Variants in CPA3 observed in about 807,000 individuals in gnomAD.
The protein encoded by CPA3 is mast cell carboxypeptidase A.
In CPA3, 52 loss-of-function variants were observed where a neutral mutation model predicts 55.8. The observed-to-expected ratio is 0.93, with a 90% CI of 0.75 to 1.17. The LOEUF (loss-of-function observed/expected upper bound fraction) is 1.17, where lower values mean the gene tolerates loss of function less well. Ranked by LOEUF, CPA3 falls within the 50% of genes most tolerant of loss-of-function variation. The pLI is 0.00. For synonymous variants in CPA3, 179 were observed against 171.2 expected, an observed-to-expected ratio of 1.05 and a Z score of -0.36; for missense variants, 547 against 509.1, an observed-to-expected ratio of 1.07 and a Z score of -0.72.
At chr3:148,889,869 CAAA>C (rs10693111) in intron 10 of CPA3, among the ~76,000 whole-genome samples, 3 of 110,236 alleles carry the variant, frequency 2.7e-5, no homozygotes, top group East Asian at 2.5e-4. Flanking sequence ...AACTCCATCT[CAAA>C]AAAAAAAAAA....
In CPA3 at chr3:148,882,790, G is replaced by A. The variant is rs74413758; in HGVS notation, c.778+195G>A. ...TGTGTGGAAGGAAATGAGGAGGAAGGGACTGTTTATCAAACCATCTCTTAC... is the reference window on the plus strand; with the variant it reads ...TGTGTGGAAGGAAATGAGGAGGAAGAGACTGTTTATCAAACCATCTCTTAC... On this transcript the variant is annotated intron_variant, in intron 8 of 10. Transcript: ENST00000296046. Among the ~76,000 whole-genome samples, 983 of 151,876 alleles carry A rather than the reference G, an allele frequency of 6.5e-3. 63 individuals are homozygous for A. In the East Asian group the frequency reaches 0.14, roughly 21 times the overall value.
intron 2 of CPA3, 78 bp downstream of exon 2, chr3:148,865,626 C>T: frequency 1.6e-6 from 2 of 1,241,960 alleles, no homozygotes; most frequent in Non-Finnish European, 2.3e-6. Context: ...TGTCAATGCC[C>T]ATGGGACTAC....
intron 10 of CPA3, among the ~76,000 whole-genome samples, chr3:148,890,683 T>C (rs1471695920): frequency 6.6e-6 from 1 of 152,202 alleles, no homozygotes; most frequent in African/African-American, 2.4e-5. Context: ...GGTTATTATA[T>C]TGAATACATT....
Position 148,896,603 on chromosome 3 carries a change from A to G in CPA3, c.1150A>G (p.Lys384Glu), listed in dbSNP as rs1714836380. The G allele has an allele frequency of 6.3e-7, 1 of 1,593,112 alleles. No individual in the cohort carries two copies. ...TGCCTTTGAGCTCCGAGATAAAGGC[A>G]AATTTGGTTTTCTCCTTCCAGAATC... ...TFAFELRDKGKFGFLLPESRI... is the reference protein window; with the variant it reads ...TFAFELRDKGEFGFLLPESRI... Residue 384 changes from lysine (K) to glutamate (E), a missense_variant, in exon 11 of 11, where the codon AAA becomes GAA. Transcript: ENST00000296046.
chr3:148,870,776 G>A (rs765712362), intron 3 of CPA3, among the ~76,000 whole-genome samples: 17 of 152,090 alleles, frequency 1.1e-4, no homozygotes, highest in Non-Finnish European at 2.1e-4. Context: ...CTTCAAAAAT[G>A]TAACTACAAG....
At chr3:148,880,565 C>T (rs73160794) in intron 6 of CPA3, among the ~76,000 whole-genome samples, 1 of 152,098 alleles carries the variant, frequency 6.6e-6, no homozygotes, top group African/African-American at 2.4e-5. Flanking sequence ...CTCCTGATCC[C>T]AAGTAATCTG....
chr3:148,869,910 T>C (rs895804732), intron 3 of CPA3: 13 of 152,252 alleles, frequency 8.5e-5, no homozygotes, highest in African/African-American at 3.1e-4. Context: ...CTGGCCAATA[T>C]GGTGACAACC....
chr3:148,891,469 G>C (rs1330863522), intron 10 of CPA3, among the ~76,000 whole-genome samples: 1 of 139,252 alleles, frequency 7.2e-6, no homozygotes, highest in East Asian at 2.1e-4. Context: ...AACAGAGCAA[G>C]ACCCTGTCAC....
At chr3:148,881,450 A>C in intron 6 of CPA3, 72 bp from the exon 7 acceptor site, 1 of 875,610 alleles carries the variant, frequency 1.1e-6, no homozygotes, top group Non-Finnish European at 1.9e-6. Context: ...AGTTATTACT[A>C]TTATAACCAC....
chr3:148,869,179 T>C, intron 3 of CPA3, 140 bp downstream of exon 3: 2 of 984,220 alleles, frequency 2.0e-6, no homozygotes, highest in Non-Finnish European at 1.5e-6. Context: ...CAGATCACAG[T>C]TACTTCCAAA....
At position 148,865,482 on chromosome 3, in the gene CPA3, G is replaced by A. The variant is rs1330195186; in HGVS notation, c.78G>A (p.Val26=). 3.1e-6 allele frequency: 5 copies of A among 1,613,662 alleles called. No individual in the cohort carries two copies. The highest frequency in any genetic ancestry group is 1.7e-5 in the Admixed American group (1 of 59,976). Residue 26 remains valine (V), a synonymous_variant, in exon 2 of 11, where the codon GTG becomes GTA. Transcript: ENST00000296046. ...IAPVRFDREK[V]FRVKPQDEKQ... ...ATTTGCCTCCACAAAGGGAGAAGGT[G>A]TTCCGCGTGAAGCCCCAGGATGAAA... is the stretch of plus-strand genomic sequence containing the variant.
At chr3:148,886,347 A>T (rs1036472653) in intron 10 of CPA3, among the ~76,000 whole-genome samples, 170 bp downstream of exon 10, 15 of 152,178 alleles carry the variant, frequency 9.9e-5, no homozygotes, top group Non-Finnish European at 1.8e-4. Flanking sequence ...ATAGATTCTG[A>T]CCTTTTCTTG....
chr3:148,882,647 C>A, intron 8 of CPA3, 52 bp downstream of exon 8: 1 of 1,442,684 alleles, frequency 6.9e-7, no homozygotes, highest in Non-Finnish European at 9.7e-7. Flanking sequence ...ATATTTAGGT[C>A]CCAAACTTAA....
At chr3:148,890,605 C>T (rs569402521) in intron 10 of CPA3, among the ~76,000 whole-genome samples, 3 of 152,252 alleles carry the variant, frequency 2.0e-5, no homozygotes, top group South Asian at 2.1e-4. Flanking sequence ...TCAGTGTATG[C>T]CCATGTATCT....
intron 10 of CPA3, among the ~76,000 whole-genome samples, chr3:148,893,978 T>C (rs1714751429): frequency 6.6e-6 from 1 of 152,130 alleles, no homozygotes; most frequent in South Asian, 2.1e-4. Flanking sequence ...CAAAGGGAAA[T>C]CAGCAGATGT....
chr3:148,881,240 A>T (rs769987166), intron 6 of CPA3, among the ~76,000 whole-genome samples: 2 of 152,180 alleles, frequency 1.3e-5, no homozygotes, highest in Non-Finnish European at 2.9e-5. Context: ...CAATCTTTCT[A>T]TGAAACATAT....
chr3:148,881,253 C>T (rs1714357874), intron 6 of CPA3, among the ~76,000 whole-genome samples: 1 of 152,112 alleles, frequency 6.6e-6, no homozygotes, highest in Non-Finnish European at 1.5e-5. Flanking sequence ...AAACATATCT[C>T]TCATGCTACA....
intron 9 of CPA3, 116 bp downstream of exon 9, chr3:148,883,931 C>G (rs1453378591): frequency 2.6e-6 from 2 of 762,620 alleles, no homozygotes; most frequent in Non-Finnish European, 4.3e-6. Context: ...AAGAAAAGAA[C>G]TAATGAAATT....
At position 148,869,020 on chromosome 3, in the gene CPA3, C is replaced by G. The variant is rs1396524808; in HGVS notation, c.250C>G (p.Gln84Glu). The change falls in exon 3 of 11, where the codon CAA becomes GAA. Residue 84 changes from glutamine to glutamate, a missense_variant. Physicochemically the swap from Gln to Glu is conservative, Grantham distance 29. Coordinates refer to ENST00000296046, the MANE Select transcript of CPA3 (RefSeq NM_001870.4). ...CCAAGCCATCCAGTCTGCCTTGGAT[C>G]AAAATAAAATGCACTATGAGTAAGT... ...ESQAIQSALD[Q>E]NKMHYEILIH... 1 of 1,613,686 alleles carries G rather than the reference C, an allele frequency of 6.2e-7. No homozygotes were observed. Among genetic ancestry groups the G allele is most frequent in the Admixed American group, 1.7e-5 (1 of 59,990 alleles).
Sources: allele counts gnomAD v4.1 joint callset (sites outside exome capture counted in the v4.1 genomes callset), GRCh38; gene constraint gnomAD v4.1.1; transcripts MANE v1.5; gene names NCBI Gene and HGNC (gene_info 2026-07-23, HGNC 2026-07-21).